VPS13B: variants seen among roughly 807,000 people sequenced by gnomAD.
VPS13B encodes intermembrane lipid transfer protein VPS13B.
A neutral mutation model predicts 426.4 loss-of-function variants in VPS13B; 285 were observed. The ratio of observed to expected loss-of-function variants is 0.67; its 90% CI spans 0.61 to 0.74. VPS13B has a LOEUF of 0.74. VPS13B is among the 30% of genes least tolerant of loss of function. The pLI, the probability that VPS13B is intolerant of heterozygous loss-of-function variation, is 0.00. For missense variants in VPS13B, 4,537 were observed against 4,782.6 expected, an observed-to-expected ratio of 0.95 and a Z score of 1.51; for synonymous variants, 1,676 against 1,676.4, an observed-to-expected ratio of 1.00 and a Z score of 0.01.
At chr8:99,478,715 C>T (rs1236939503) in intron 24 of VPS13B, among the ~76,000 whole-genome samples, 1 of 151,448 alleles carries the variant, frequency 6.6e-6, no homozygotes, top group Non-Finnish European at 1.5e-5. Flanking sequence ...TCCCAAAGTG[C>T]TGGGATTACA....
intron 4 of VPS13B, among the ~76,000 whole-genome samples, chr8:99,099,688 T>A (rs1378571032): frequency 6.6e-6 from 1 of 152,136 alleles, no homozygotes; most frequent in African/African-American, 2.4e-5. Context: ...GAAGACAATA[T>A]AAGGCAGAGG....
At position 99,096,349 on chromosome 8, in the gene VPS13B, G is replaced by T; in HGVS notation, c.329G>T (p.Arg110Leu). The T allele has an allele frequency of 1.2e-6, 2 of 1,613,994 alleles. No homozygotes were observed. The highest frequency in any genetic ancestry group is 1.7e-6 in the Non-Finnish European group (2 of 1,179,950). Residue 110 changes from arginine (R) to leucine (L), a missense_variant, in exon 4 of 62, where the codon CGT (arginine) becomes CTT (leucine). This residue lies in a region of VPS13B where 226 missense variants were observed against 308.3 expected (regional missense o/e 0.73). Coordinates refer to ENST00000357162, the MANE Select transcript of VPS13B (RefSeq NM_152564.5). ...HESCGSNSTNRSTAESTKSSI... is the reference protein window; with the variant it reads ...HESCGSNSTNLSTAESTKSSI... ...AGCTGTGGTTCTAATTCTACCAACC[G>T]TAGTACTGCTGAGAGCACAAAATCA...
chr8:99,062,884 G>A (rs1441496978), intron 3 of VPS13B, among the ~76,000 whole-genome samples: 1 of 152,084 alleles, frequency 6.6e-6, no homozygotes, highest in East Asian at 1.9e-4. Flanking sequence ...ATATAGATGG[G>A]CACTCAAGTA....
intron 35 of VPS13B, among the ~76,000 whole-genome samples, chr8:99,663,013 C>T (rs762200300): frequency 1.1e-4 from 16 of 152,144 alleles, no homozygotes; most frequent in East Asian, 3.9e-4. Flanking sequence ...GATGAGATCA[C>T]GCCACTGCGC....
intron 35 of VPS13B, among the ~76,000 whole-genome samples, chr8:99,691,247 C>CTGTGTGTG (rs144300139): frequency 3.0e-4 from 44 of 147,008 alleles, no homozygotes; most frequent in Non-Finnish European, 5.1e-4. Flanking sequence ...GTATGGGATA[C>CTGTGTGTG]TGTGTGTGTG....
intron 33 of VPS13B, 49 bp downstream of exon 33, chr8:99,577,682 T>C (rs1383706332): frequency 1.9e-6 from 3 of 1,607,062 alleles, no homozygotes; most frequent in Non-Finnish European, 1.7e-6. Flanking sequence ...GTTCCAACTT[T>C]ACATTCACAG....
At chr8:99,404,065 T>C (rs1470032933) in intron 21 of VPS13B, among the ~76,000 whole-genome samples, 1 of 152,204 alleles carries the variant, frequency 6.6e-6, no homozygotes, top group Non-Finnish European at 1.5e-5. Flanking sequence ...CAGTTTTGCT[T>C]AGCACAATGT....
At chr8:99,325,416 A>G (rs2133138958) in intron 19 of VPS13B, among the ~76,000 whole-genome samples, 1 of 152,326 alleles carries the variant, frequency 6.6e-6, no homozygotes, top group Middle Eastern at 3.4e-3. Flanking sequence ...TAAAATCCAA[A>G]TGTTTCATCC....
rs2130916698 is a variant in VPS13B, at chr8:99,853,560, C to T, written c.10171C>T (p.Leu3391=). ...KASAELLRLT[L]DNIFLCVAPG... is the part of the protein sequence containing the mutation. ...ATCAGCTGAGCTTCTGAGACTCACA[C>T]TGGACAACATTTTTCTCTGTGTGGC... Residue 3391 remains leucine (L), a synonymous_variant, in exon 56 of 62, where the codon CTG becomes TTG. Transcript: ENST00000357162. 5 of 1,614,244 alleles carry T rather than the reference C, an allele frequency of 3.1e-6. No homozygotes were observed. Among genetic ancestry groups the T allele is most frequent in the Non-Finnish European group, 3.4e-6 (4 of 1,180,048 alleles).
At chr8:99,775,071 T>A in intron 40 of VPS13B, among the ~76,000 whole-genome samples, 1 of 152,178 alleles carries the variant, frequency 6.6e-6, no homozygotes, top group Non-Finnish European at 1.5e-5. Flanking sequence ...CAATGGAAGA[T>A]TCACACCTCT....
At chr8:99,569,211 A>G (rs1041473044) in intron 31 of VPS13B, among the ~76,000 whole-genome samples, 7 of 152,068 alleles carry the variant, frequency 4.6e-5, no homozygotes, top group African/African-American at 1.7e-4. Flanking sequence ...TTTATGTTGC[A>G]TAAGAATTGC....
At chr8:99,746,407 G>A (rs1050491740) in intron 39 of VPS13B, among the ~76,000 whole-genome samples, 1 of 151,986 alleles carries the variant, frequency 6.6e-6, no homozygotes, top group Admixed American at 6.6e-5. Flanking sequence ...CCATTGATGT[G>A]TACTATGGTT....
At chr8:99,147,662 C>T (rs546736214) in intron 13 of VPS13B, among the ~76,000 whole-genome samples, 179 bp from the exon 14 acceptor site, 201 of 152,226 alleles carry the variant, frequency 1.3e-3, no homozygotes, top group Non-Finnish European at 1.9e-3. Context: ...GATACATTTA[C>T]ATTCGAGAAT....
At chr8:99,734,309 A>G (rs951045812) in intron 39 of VPS13B, among the ~76,000 whole-genome samples, 1 of 152,096 alleles carries the variant, frequency 6.6e-6, no homozygotes, top group African/African-American at 2.4e-5. Flanking sequence ...TTGAATCCTT[A>G]TTTACTTTAC....
At chr8:99,844,184 A>C (rs1194155188) in intron 54 of VPS13B, among the ~76,000 whole-genome samples, 1 of 152,112 alleles carries the variant, frequency 6.6e-6, no homozygotes, top group Non-Finnish European at 1.5e-5. Context: ...ATATCAAAAT[A>C]CCTCAGACTG....
intron 33 of VPS13B, among the ~76,000 whole-genome samples, chr8:99,588,544 G>T (rs1385428859): frequency 6.6e-6 from 1 of 151,566 alleles, no homozygotes; most frequent in Admixed American, 6.6e-5. Flanking sequence ...TCCTTTGTAT[G>T]TTGTATTCCT....
At chr8:99,743,828 A>C (rs1372187816) in intron 39 of VPS13B, among the ~76,000 whole-genome samples, 1 of 152,240 alleles carries the variant, frequency 6.6e-6, no homozygotes, top group African/African-American at 2.4e-5. Flanking sequence ...AATTAATTCA[A>C]GATGGATTAA....
At chr8:99,416,278 C>G (rs1023150438) in intron 21 of VPS13B, among the ~76,000 whole-genome samples, 1 of 152,136 alleles carries the variant, frequency 6.6e-6, no homozygotes, top group African/African-American at 2.4e-5. Flanking sequence ...CCACCAAGCT[C>G]CAGAGTTCCA....
intron 19 of VPS13B, among the ~76,000 whole-genome samples, chr8:99,287,530 T>C (rs1233771659): frequency 6.6e-6 from 1 of 151,974 alleles, no homozygotes; most frequent in East Asian, 1.9e-4. Flanking sequence ...TTGAATGTAA[T>C]AATGACATCA....
Sources: gnomAD v4.1 joint callset for allele counts (sites outside exome capture counted in the v4.1 genomes callset) on GRCh38, gnomAD v4.1.1 for gene constraint, gnomAD v4.1.1 regional missense constraint, MANE v1.5 for transcripts, NCBI Gene and HGNC (gene_info 2026-07-23, HGNC 2026-07-21) for gene names.